The following SV2B variants were observed in gnomAD, a reference collection of about 807,000 sequenced individuals.
SV2B encodes solute carrier family 22 member B2.
SV2B carries 41 observed loss-of-function variants against 73.9 expected under a neutral mutation model. The ratio of observed to expected loss-of-function variants is 0.56; its 90% CI spans 0.43 to 0.72. The LOEUF (loss-of-function observed/expected upper bound fraction) is 0.72. Among genes scored for constraint, SV2B ranks in the 30% least tolerant of loss-of-function variants. The pLI, the probability that SV2B is intolerant of heterozygous loss-of-function variation, is 0.00. For missense variants in SV2B, 764 were observed against 857.8 expected (o/e 0.89, Z 1.37); for synonymous variants, 314 against 314.2 (o/e 1.00, Z 0.01).
rs1335329444 is a variant in SV2B at position 91,294,814 on chromosome 15, A to ACTT, written c.*2265_*2267dup. ...AACTCCATTTGGTTTCCAAGATCTCACTTCTGCATTATCTTTATGGCTCTT... is the reference window on the plus strand; with the variant it reads ...AACTCCATTTGGTTTCCAAGATCTCACTTCTTCTGCATTATCTTTATGGCTCTT... On this transcript the variant is annotated 3_prime_UTR_variant, in exon 13 of 13. Coordinates refer to ENST00000394232, the MANE Select transcript of SV2B (RefSeq NM_001323032.3). This position sits in a 1 kb window ranked among gnomAD's most constrained non-coding sequence, Gnocchi z 4.1. The ACTT allele has an allele frequency of 1.3e-5, 2 of 152,302 alleles. No homozygotes were observed. Among genetic ancestry groups the ACTT allele is most frequent in the Admixed American group, 6.5e-5 (1 of 15,278 alleles). 9.4% of individuals were successfully genotyped at this position (152,302 alleles called of 1,614,324 possible).
At chr15:91,143,441 T>G (rs1271643875) in intron 1 of SV2B, among the ~76,000 whole-genome samples, 1 of 152,192 alleles carries the variant, frequency 6.6e-6, no homozygotes, top group Non-Finnish European at 1.5e-5. Context: ...GCGGCAGCAT[T>G]TACCCTGAGA....
intron 11 of SV2B, among the ~76,000 whole-genome samples, chr15:91,286,308 C>T (rs909227614): frequency 6.6e-6 from 1 of 152,210 alleles, no homozygotes. Context: ...AGACCAACCC[C>T]ACTAGAAAAT....
intron 9 of SV2B, among the ~76,000 whole-genome samples, chr15:91,279,000 CA>C (rs1396672357): frequency 6.6e-6 from 1 of 152,006 alleles, no homozygotes; most frequent in Non-Finnish European, 1.5e-5. Flanking sequence ...TCTCTGCTTT[CA>C]AAAAAGGCAA....
Position 91,289,646 on chromosome 15 carries a change from G to A in SV2B, c.1834G>A (p.Val612Met), listed in dbSNP as rs1282459052. ...CATTGCAGCCTGGAATGCTCTGGAT[G>A]TGATCACAGTGGAGCTGTATCCCAC... is the stretch of plus-strand genomic sequence containing the variant. Reference protein sequence around the residue: ...TSIAAWNALDVITVELYPTNQ... With the variant: ...TSIAAWNALDMITVELYPTNQ... Residue 612 changes from valine (V) to methionine (M), a missense_variant, in exon 12 of 13, where the codon GTG becomes ATG. By Grantham distance (21) the Val-to-Met change is conservative. Transcript: ENST00000394232. This position sits in a 1 kb window ranked among gnomAD's most constrained non-coding sequence, Gnocchi z 4.9. The A allele has an allele frequency of 6.2e-7, 1 of 1,613,886 alleles. No individual in the cohort carries two copies.
chr15:91,267,519 C>T lies in SV2B; in HGVS notation c.1120-36C>T. On this transcript the variant is annotated intron_variant, in intron 7 of 12. Transcript: ENST00000394232. The surrounding 1 kb of genome is among the most constrained non-coding windows in gnomAD (Gnocchi z 4.3). ...GTGGGAGAAACAAAGTCACACATTGCTTTCTTTAACAATCCTTCTCTGGTA... is the reference window on the plus strand; with the variant it reads ...GTGGGAGAAACAAAGTCACACATTGTTTTCTTTAACAATCCTTCTCTGGTA... 1 of 1,570,656 alleles carries T rather than the reference C, an allele frequency of 6.4e-7. No individual in the cohort carries two copies. The highest frequency in any genetic ancestry group is 8.7e-7 in the Non-Finnish European group (1 of 1,143,048).
At chr15:91,150,603 C>T (rs2043285913) in intron 1 of SV2B, among the ~76,000 whole-genome samples, 1 of 152,198 alleles carries the variant, frequency 6.6e-6, no homozygotes, top group South Asian at 2.1e-4. Context: ...ATCCCTAGCT[C>T]CTGCTGGGAG....
rs144731419 is a variant in SV2B at position 91,112,947 on chromosome 15, G to A, written c.-392+12584G>A. On this transcript the variant is annotated intron_variant, in intron 1 of 12. Coordinates refer to ENST00000394232, the MANE Select transcript of SV2B (RefSeq NM_001323032.3). The stretch of plus-strand genomic sequence containing the variant: ...CCCTCCCACCCCAGCCTCCTGAGTA[G>A]CTGGGATGAAAAGGCAAACACCATC... Among the ~76,000 whole-genome samples, 988 of 152,276 alleles carry A rather than the reference G, an allele frequency of 6.5e-3. 5 individuals carry two copies. The highest frequency in any genetic ancestry group is 8.5e-3 in the Non-Finnish European group (576 of 68,016).
chr15:91,288,313 A>G lies in SV2B; in HGVS notation c.1709-1208A>G, dbSNP rs1447214337. Among the ~76,000 whole-genome samples, 3 of 152,172 alleles carry G rather than the reference A, an allele frequency of 2.0e-5. No homozygotes were observed. Among genetic ancestry groups the G allele is most frequent in the Admixed American group, 6.5e-5 (1 of 15,280 alleles). On this transcript the variant is annotated intron_variant, in intron 11 of 12. Transcript: ENST00000394232. This position sits in a 1 kb window ranked among gnomAD's most constrained non-coding sequence, Gnocchi z 5.8. ...TAATTGTATATTTTGATGGGGTACA[A>G]TGTGATATTTTCATGCATATATACG... is the stretch of plus-strand genomic sequence containing the variant.
chr15:91,279,075 G>A (rs1349227806), intron 9 of SV2B, among the ~76,000 whole-genome samples: 2 of 152,168 alleles, frequency 1.3e-5, no homozygotes, highest in African/African-American at 2.4e-5. Context: ...TGGAATACAT[G>A]TCCTTATCTT....
intron 1 of SV2B, among the ~76,000 whole-genome samples, chr15:91,211,561 T>G (rs1202679578): frequency 2.7e-5 from 4 of 150,654 alleles, no homozygotes; most frequent in Non-Finnish European, 5.9e-5. Flanking sequence ...TGGAGTACAG[T>G]GGCGCAGTCT....
chr15:91,280,519 A>G lies in SV2B; in HGVS notation c.1374-1209A>G, dbSNP rs2048650996. On this transcript the variant is annotated intron_variant, in intron 9 of 12. Coordinates refer to ENST00000394232, the MANE Select transcript of SV2B (RefSeq NM_001323032.3). This position sits in a 1 kb window ranked among gnomAD's most constrained non-coding sequence, Gnocchi z 5.8. ...ATAGAAGAATGAAAGAAAGTGTTGT[A>G]ATTATTTGCAAATGAAGACATATTT... Among the ~76,000 whole-genome samples, 1 of 152,264 alleles carries G rather than the reference A, an allele frequency of 6.6e-6. No homozygotes were observed. Among genetic ancestry groups the G allele is most frequent in the South Asian group, 2.1e-4 (1 of 4,832 alleles).
chr15:91,285,565 C>T (rs961737925), intron 11 of SV2B, among the ~76,000 whole-genome samples: 24 of 152,218 alleles, frequency 1.6e-4, no homozygotes, highest in Admixed American at 6.5e-4. Context: ...CAGGTGGCTC[C>T]GTCTCTGCCA....
At chr15:91,175,734 T>A (rs2044281591) in intron 1 of SV2B, among the ~76,000 whole-genome samples, 1 of 151,694 alleles carries the variant, frequency 6.6e-6, no homozygotes, top group South Asian at 2.1e-4. Context: ...TATGTGACTA[T>A]CTATTATAGA....
intron 1 of SV2B, among the ~76,000 whole-genome samples, chr15:91,180,242 A>G (rs541238506): frequency 3.4e-4 from 52 of 152,302 alleles, no homozygotes; most frequent in African/African-American, 1.2e-3. Context: ...TCTGGCTTGT[A>G]GAGTTTCTGC....
At chr15:91,168,301 CGAGAGAGAGAGAGA>C (rs113991291) in intron 1 of SV2B, among the ~76,000 whole-genome samples, 8 of 137,292 alleles carry the variant, frequency 5.8e-5, no homozygotes, top group Admixed American at 2.2e-4. Flanking sequence ...TGGTGAGATA[CGAGAGAGAGAGAGA>C]GAGAGAGAGA....
intron 4 of SV2B, among the ~76,000 whole-genome samples, chr15:91,257,293 A>G (rs2047732288): frequency 6.6e-6 from 1 of 152,210 alleles, no homozygotes; most frequent in African/African-American, 2.4e-5. Context: ...AGGTATCATT[A>G]CCTGTATTCT....
At chr15:91,278,013 T>C (rs917431978) in intron 9 of SV2B, among the ~76,000 whole-genome samples, 2 of 152,346 alleles carry the variant, frequency 1.3e-5, no homozygotes, top group Admixed American at 1.3e-4. Flanking sequence ...CCAGACTCAC[T>C]GAGGCACAAG....
intron 1 of SV2B, among the ~76,000 whole-genome samples, chr15:91,117,082 A>G (rs1370704821): frequency 6.6e-6 from 1 of 152,200 alleles, no homozygotes. Flanking sequence ...CAATAGTCAC[A>G]ATGGTTTTGA....
At chr15:91,272,599 G>C (rs2048350383) in intron 9 of SV2B, among the ~76,000 whole-genome samples, 1 of 152,038 alleles carries the variant, frequency 6.6e-6, no homozygotes, top group Non-Finnish European at 1.5e-5. Flanking sequence ...TGGGAGAAAA[G>C]CTCTCTTGAG....
Sources: allele counts gnomAD v4.1 joint callset (sites outside exome capture counted in the v4.1 genomes callset), GRCh38; gene constraint gnomAD v4.1.1; non-coding constraint Gnocchi (gnomAD v3.1); transcripts MANE v1.5; gene names NCBI Gene and HGNC (gene_info 2026-07-23, HGNC 2026-07-21).